ITGA2: variants seen among roughly 807,000 people sequenced by gnomAD.
ITGA2 encodes the protein integrin alpha-2.
ITGA2 carries 101 observed loss-of-function variants against 146.3 expected under a neutral mutation model. That is an observed-to-expected ratio of 0.69 (90% CI 0.59 to 0.81). The LOEUF (loss-of-function observed/expected upper bound fraction) is 0.81. ITGA2 is among the 40% of genes least tolerant of loss of function. The pLI is 0.00. For synonymous variants in ITGA2, 477 were observed against 487.1 expected (o/e 0.98, Z 0.27); for missense variants, 1,281 against 1,402.7 (o/e 0.91, Z 1.39).
At chr5:53,019,476 T>C (rs1158811982) in intron 1 of ITGA2, among the ~76,000 whole-genome samples, 1 of 152,172 alleles carries the variant, frequency 6.6e-6, no homozygotes, top group African/African-American at 2.4e-5. Context: ...AGGAGCCATC[T>C]TGGTTATCAG....
Position 53,075,110 on chromosome 5 carries a change from A to G in ITGA2, c.2714A>G (p.Gln905Arg). The change falls in exon 22 of 30, where the codon CAG (glutamine) becomes CGG (arginine). Residue 905 changes from glutamine (Q) to arginine (R), a missense_variant. By Grantham distance (43) the Gln-to-Arg change is conservative (BLOSUM62 1). Coordinates refer to ENST00000296585, the MANE Select transcript of ITGA2 (RefSeq NM_002203.4). ...TTCAATCTTCAAAACCTTCAGAATC[A>G]GGCGTCTCTCAGTTTCCAAGCCTTA... ...FDFNLQNLQN[Q>R]ASLSFQALSE... The G allele has an allele frequency of 3.1e-6, 5 of 1,612,080 alleles. No homozygotes were observed. Among genetic ancestry groups the G allele is most frequent in the Non-Finnish European group, 4.2e-6 (5 of 1,178,788 alleles).
chr5:53,005,934 A>G (rs1468649326), intron 1 of ITGA2, among the ~76,000 whole-genome samples: 2 of 152,202 alleles, frequency 1.3e-5, no homozygotes, highest in African/African-American at 2.4e-5. Flanking sequence ...AGCTTAAAAA[A>G]TGCTGTACAT....
intron 2 of ITGA2, among the ~76,000 whole-genome samples, chr5:53,041,389 T>C (rs1561114126): frequency 6.6e-6 from 1 of 152,210 alleles, no homozygotes. Flanking sequence ...AGATAGCTTG[T>C]AATGTATTTG....
intron 12 of ITGA2, among the ~76,000 whole-genome samples, chr5:53,062,302 T>C (rs927571977): frequency 6.6e-6 from 1 of 151,934 alleles, no homozygotes; most frequent in African/African-American, 2.4e-5. Flanking sequence ...CTCTGATCAC[T>C]CAGCCTTTGG....
At chr5:53,051,226 T>C (rs1744345054) in intron 6 of ITGA2, among the ~76,000 whole-genome samples, 185 bp from the exon 7 acceptor site, 1 of 152,186 alleles carries the variant, frequency 6.6e-6, no homozygotes, top group African/African-American at 2.4e-5. Flanking sequence ...TGTACACTGA[T>C]GGCCTCTAAC....
chr5:53,027,808 G>A (rs888495912), intron 2 of ITGA2, among the ~76,000 whole-genome samples: 2 of 152,216 alleles, frequency 1.3e-5, no homozygotes, highest in Non-Finnish European at 1.5e-5. Context: ...ATGGCCAAGT[G>A]CAGTGGCTCA....
chr5:52,989,869 G>A (rs1740842671), intron 1 of ITGA2, among the ~76,000 whole-genome samples: 1 of 151,768 alleles, frequency 6.6e-6, no homozygotes, highest in South Asian at 2.1e-4. Flanking sequence ...CATGGACAGT[G>A]TGGGGATCCG....
chr5:53,091,560 T>C lies in ITGA2; in HGVS notation c.*961T>C, dbSNP rs1333581934. On this transcript the variant is annotated 3_prime_UTR_variant, in exon 30 of 30. Transcript: ENST00000296585. ...ACTGAACCACTCTCCCACCTCCTGG[T>C]GGTACCATTATTATAGAAGCCCTCT... 2.0e-5 allele frequency: 3 copies of C among 152,166 alleles called. No individual in the cohort carries two copies. Among genetic ancestry groups the C allele is most frequent in the Non-Finnish European group, 4.4e-5 (3 of 68,044 alleles). 9.4% of individuals were successfully genotyped at this position (152,166 alleles called of 1,614,324 possible).
chr5:53,031,315 C>A (rs1743212092), intron 2 of ITGA2, among the ~76,000 whole-genome samples: 2 of 152,208 alleles, frequency 1.3e-5, no homozygotes, highest in African/African-American at 4.8e-5. Flanking sequence ...CACACACACA[C>A]AACTTTGTTT....
At chr5:53,013,185 C>T (rs152088) in intron 1 of ITGA2, among the ~76,000 whole-genome samples, 32,849 of 151,862 alleles carry the variant, frequency 0.22, 3,863 homozygotes, top group East Asian at 0.38. Flanking sequence ...AGCCAATGTT[C>T]GGAATGGTAT....
intron 6 of ITGA2, among the ~76,000 whole-genome samples, chr5:53,050,237 C>A (rs1399543733): frequency 3.3e-5 from 5 of 152,074 alleles, no homozygotes; most frequent in Admixed American, 6.6e-5. Flanking sequence ...CATCTGATTC[C>A]TCTCTAGAAG....
rs531556291 is a variant in ITGA2 at position 53,056,244 on chromosome 5, C to A, written c.1096+95C>A. 10 of 1,093,134 alleles carry A rather than the reference C, an allele frequency of 9.1e-6. No individual in the cohort carries two copies. In the East Asian group the frequency reaches 2.5e-4, roughly 28 times the overall value. 67.7% of individuals were successfully genotyped at this position (1,093,134 alleles called of 1,614,324 possible). A position where few individuals can be genotyped will look rare whatever the true frequency, so the allele number is the denominator to read the frequency against. ...TGCTTTACTAATGTTAACTTGTATA[C>A]CATGTATAAAAAGAGCTACTACAAT... On this transcript the variant is annotated intron_variant, in intron 9 of 29. Coordinates refer to ENST00000296585, the MANE Select transcript of ITGA2 (RefSeq NM_002203.4).
At chr5:53,053,268 C>G (rs1744472547) in intron 7 of ITGA2, among the ~76,000 whole-genome samples, 2 of 152,142 alleles carry the variant, frequency 1.3e-5, no homozygotes, top group Admixed American at 6.6e-5. Context: ...GTCTCAAAAG[C>G]AGATTCCCCA....
chr5:53,083,792 C>T (rs1483572610), intron 27 of ITGA2, among the ~76,000 whole-genome samples: 1 of 152,222 alleles, frequency 6.6e-6, no homozygotes, highest in South Asian at 2.1e-4. Context: ...TTCCTCCACT[C>T]TCCATCTTCC....
intron 7 of ITGA2, among the ~76,000 whole-genome samples, chr5:53,053,482 C>T (rs1424593419): frequency 1.3e-5 from 2 of 152,156 alleles, no homozygotes; most frequent in African/African-American, 4.8e-5. Context: ...GAGTTAGAAA[C>T]TGCAACGGCC....
Position 53,048,780 on chromosome 5 carries a change from A to C in ITGA2, c.630+10A>C. ...CCCCACAAAGACACAGGTATGGCTA[A>C]CAGAAATGCATAACTAACTTATGGC... is the stretch of plus-strand genomic sequence containing the variant. On this transcript the variant is annotated intron_variant, in intron 6 of 29. Coordinates refer to ENST00000296585, the MANE Select transcript of ITGA2 (RefSeq NM_002203.4). The C allele has an allele frequency of 6.2e-7, 1 of 1,613,380 alleles. No individual in the cohort carries two copies. Among genetic ancestry groups the C allele is most frequent in the Non-Finnish European group, 8.5e-7 (1 of 1,179,570 alleles).
intron 2 of ITGA2, among the ~76,000 whole-genome samples, chr5:53,035,673 C>T (rs1488387298): frequency 3.9e-5 from 6 of 152,266 alleles, no homozygotes; most frequent in South Asian, 2.1e-4. Context: ...GCAGCCTTCA[C>T]GGGTGAATTC....
At chr5:53,020,085 A>T (rs1378294162) in intron 1 of ITGA2, among the ~76,000 whole-genome samples, 1 of 152,226 alleles carries the variant, frequency 6.6e-6, no homozygotes, top group Non-Finnish European at 1.5e-5. Context: ...AGGATAAGAG[A>T]GAATTAATGT....
At position 53,065,896 on chromosome 5, in the gene ITGA2, C is replaced by T. The variant is rs1489708037; in HGVS notation, c.1862C>T (p.Ser621Phe). 6.2e-7 allele frequency: 1 copy of T among 1,611,980 alleles called. No individual in the cohort carries two copies. Among genetic ancestry groups the T allele is most frequent in the Non-Finnish European group, 8.5e-7 (1 of 1,178,796 alleles). Residue 621 changes from serine to phenylalanine, a missense_variant, in exon 15 of 30, where the codon TCC becomes TTC. Ser to Phe is a radical substitution (Grantham distance 155). Around this residue, in one of 3 missense-constraint regions of ITGA2, gnomAD observed 795 missense variants for 841.7 expected, o/e 0.94. Transcript: ENST00000296585. The part of the protein sequence containing the change: ...FRSHLQYFGR[S>F]LDGYGDLNGD... ...AGCCATCTCCAGTACTTTGGGAGGT[C>T]CTTGGATGGCTATGGAGATTTAAAT... is the stretch of plus-strand genomic sequence containing the variant.
Sources: gnomAD v4.1 joint callset for allele counts (sites outside exome capture counted in the v4.1 genomes callset) on GRCh38, gnomAD v4.1.1 for gene constraint, gnomAD v4.1.1 regional missense constraint, MANE v1.5 for transcripts, NCBI Gene and HGNC (gene_info 2026-07-23, HGNC 2026-07-21) for gene names.